The following FARS2 variants were observed in gnomAD, a reference collection of about 807,000 sequenced individuals.
FARS2 encodes the protein phenylalanine--tRNA ligase, mitochondrial.
In FARS2, 40 loss-of-function variants were observed where a neutral mutation model predicts 46.4. The observed-to-expected ratio is 0.86, with a 90% CI of 0.67 to 1.12. FARS2 has a LOEUF of 1.12. Among genes scored for constraint, FARS2 ranks in the 50% most tolerant of loss-of-function variants. FARS2 has a pLI of 0.00. For synonymous variants in FARS2, 234 were observed against 214.9 expected, an observed-to-expected ratio of 1.09 and a Z score of -0.78; for missense variants, 513 against 567.9, an observed-to-expected ratio of 0.90 and a Z score of 0.98.
chr6:5,620,649 C>A (rs2150693994), intron 6 of FARS2, among the ~76,000 whole-genome samples: 1 of 151,510 alleles, frequency 6.6e-6, no homozygotes. Flanking sequence ...TTGTCTTATA[C>A]AGAGTTCAGA....
chr6:5,744,416 A>C (rs975743693), intron 6 of FARS2, among the ~76,000 whole-genome samples: 4 of 152,214 alleles, frequency 2.6e-5, no homozygotes, highest in Admixed American at 2.6e-4. Flanking sequence ...TAAATTACCC[A>C]TTACAGCAGT....
chr6:5,678,238 C>G (rs925557847), intron 6 of FARS2, among the ~76,000 whole-genome samples: 4 of 152,210 alleles, frequency 2.6e-5, no homozygotes, highest in African/African-American at 9.7e-5. Context: ...ACACCTCACC[C>G]AAGTTCCTGG....
chr6:5,730,402 G>A (rs1371782303), intron 6 of FARS2, among the ~76,000 whole-genome samples: 1 of 152,146 alleles, frequency 6.6e-6, no homozygotes, highest in African/African-American at 2.4e-5. Context: ...GCTTTTTTGA[G>A]ACCAGAGGGA....
At chr6:5,304,179 A>G (rs1046252819) in intron 1 of FARS2, among the ~76,000 whole-genome samples, 21 of 152,174 alleles carry the variant, frequency 1.4e-4, no homozygotes, top group African/African-American at 5.1e-4. Context: ...CCACCCTAAA[A>G]CATGGTAATC....
chr6:5,565,401 A>T (rs1772268538), intron 5 of FARS2, among the ~76,000 whole-genome samples: 1 of 152,220 alleles, frequency 6.6e-6, no homozygotes, highest in Non-Finnish European at 1.5e-5. Context: ...TAAAGCTATT[A>T]AAAACCTGCA....
At chr6:5,625,546 G>A (rs1385126620) in intron 6 of FARS2, among the ~76,000 whole-genome samples, 2 of 152,182 alleles carry the variant, frequency 1.3e-5, no homozygotes, top group African/African-American at 2.4e-5. Context: ...TCTGCCAGGG[G>A]TCCTAATGGC....
intron 4 of FARS2, among the ~76,000 whole-genome samples, chr6:5,459,482 C>T (rs1466324226): frequency 1.3e-5 from 2 of 151,684 alleles, no homozygotes; most frequent in Admixed American, 1.3e-4. Context: ...CTCTTTTGTG[C>T]TGTTGGCTCA....
chr6:5,440,079 T>G (rs900331875), intron 4 of FARS2, among the ~76,000 whole-genome samples: 2 of 152,160 alleles, frequency 1.3e-5, no homozygotes, highest in African/African-American at 4.8e-5. Flanking sequence ...ACTTTTTTTC[T>G]GATATAAAAG....
intron 4 of FARS2, among the ~76,000 whole-genome samples, chr6:5,491,665 T>C (rs12211019): frequency 0.14 from 21,400 of 152,250 alleles, 2,008 homozygotes; most frequent in Non-Finnish European, 0.2. Flanking sequence ...CATAGCACAT[T>C]CGTCATTTTC....
At chr6:5,724,458 T>G (rs1214244121) in intron 6 of FARS2, among the ~76,000 whole-genome samples, 2 of 152,104 alleles carry the variant, frequency 1.3e-5, no homozygotes, top group Admixed American at 1.3e-4. Context: ...GCCCATGAGG[T>G]GGCCAGAGCC....
At chr6:5,263,087 A>G (rs1765304854) in intron 1 of FARS2, among the ~76,000 whole-genome samples, 1 of 152,240 alleles carries the variant, frequency 6.6e-6, no homozygotes. Flanking sequence ...GAAAAACTTG[A>G]AGATTATTTT....
At chr6:5,339,204 A>T (rs1363333799) in intron 1 of FARS2, among the ~76,000 whole-genome samples, 2 of 152,156 alleles carry the variant, frequency 1.3e-5, no homozygotes, top group African/African-American at 4.8e-5. Context: ...AAAATATTGT[A>T]CCCTAGTGCC....
chr6:5,398,600 C>A (rs1761043426), intron 2 of FARS2, among the ~76,000 whole-genome samples: 1 of 152,120 alleles, frequency 6.6e-6, no homozygotes, highest in African/African-American at 2.4e-5. Context: ...TATTTAGAAG[C>A]CTAGACCTGA....
rs775382064 is a variant in FARS2 at position 5,545,199 on chromosome 6, C to T, written c.924C>T (p.Ile308=). Residue 308 remains isoleucine (I), a synonymous_variant, in exon 5 of 7, where the codon ATC becomes ATT. Coordinates refer to ENST00000274680, the MANE Select transcript of FARS2 (RefSeq NM_006567.5). ...TCACAGCTGGTGCTCAAGACCGAAT[C>T]GGCTGGGCTTTTGGCCTAGGATTAG... ...LVNSAGAQDR[I]GWAFGLGLER... 1.2e-5 allele frequency: 19 copies of T among 1,613,640 alleles called. No homozygotes were observed. Among genetic ancestry groups the T allele is most frequent in the Middle Eastern group, 1.6e-4 (1 of 6,080 alleles).
At position 5,641,658 on chromosome 6, in the gene FARS2, T is replaced by A. The variant is rs536197226; in HGVS notation, c.1217+28338T>A. Among the ~76,000 whole-genome samples, 22 of 152,306 alleles carry A rather than the reference T, an allele frequency of 1.4e-4. No individual in the cohort carries two copies. In the East Asian group the frequency reaches 4.1e-3, roughly 28 times the overall value. ...GCATTCACTGGATGCCAAGGGCAGG[T>A]AATGAAACTCAGGATTGATGTCAGC... is the stretch of plus-strand genomic sequence containing the variant. On this transcript the variant is annotated intron_variant, in intron 6 of 6. Coordinates refer to ENST00000274680, the MANE Select transcript of FARS2 (RefSeq NM_006567.5).
intron 4 of FARS2, among the ~76,000 whole-genome samples, chr6:5,475,101 T>C (rs1377839034): frequency 6.6e-6 from 1 of 152,130 alleles, no homozygotes; most frequent in Non-Finnish European, 1.5e-5. Flanking sequence ...AGAGGAAAAC[T>C]AAATGAAAGG....
At position 5,381,004 on chromosome 6, in the gene FARS2, T is replaced by TTATC. The variant is rs2127668563; in HGVS notation, c.612+11825_612+11826insCTAT. 2.1e-5 allele frequency among the ~76,000 whole-genome samples: 3 copies of TTATC among 144,278 alleles called. No homozygotes were observed. The South Asian group carries it at 6.7e-4, about 32-fold the overall frequency. 94.7% of individuals were successfully genotyped at this position (144,278 alleles called of 152,430 possible). A position where few individuals can be genotyped will look rare whatever the true frequency, so the allele number is the denominator to read the frequency against. On this transcript the variant is annotated intron_variant, in intron 2 of 6. Coordinates refer to ENST00000274680, the MANE Select transcript of FARS2 (RefSeq NM_006567.5). ...TTTATTTATTTATTTATTTATTTAT[T>TTATC]TATTTATTTATTATGAGACAGAGTC...
In FARS2 at chr6:5,739,788, C is replaced by T. The variant is rs376975333; in HGVS notation, c.1218-31503C>T. 3.9e-5 allele frequency among the ~76,000 whole-genome samples: 6 copies of T among 152,250 alleles called. No homozygotes were observed. The South Asian group carries it at 1.0e-3, about 26-fold the overall frequency. ...GGTCAGGCAGGATGGTGCCTAGTGC[C>T]GCCACAAGGTCACACAGCCTTTGTG... On this transcript the variant is annotated intron_variant, in intron 6 of 6. Transcript: ENST00000274680.
At chr6:5,688,758 A>T (rs1757451223) in intron 6 of FARS2, among the ~76,000 whole-genome samples, 1 of 152,220 alleles carries the variant, frequency 6.6e-6, no homozygotes, top group South Asian at 2.1e-4. Context: ...ATTGATTGGA[A>T]TAGTTTCAAC....
Sources: allele counts gnomAD v4.1 joint callset (sites outside exome capture counted in the v4.1 genomes callset), GRCh38; gene constraint gnomAD v4.1.1; transcripts MANE v1.5; gene names NCBI Gene and HGNC (gene_info 2026-07-23, HGNC 2026-07-21).